Variants in CAMK1D observed in about 807,000 individuals in gnomAD.
The protein encoded by CAMK1D is calcium/calmodulin-dependent protein kinase type 1D.
In CAMK1D, 9 loss-of-function variants were observed where a neutral mutation model predicts 47.7. That is an observed-to-expected ratio of 0.19 (90% CI 0.11 to 0.33). CAMK1D has a LOEUF of 0.33. Ranked by LOEUF, CAMK1D falls within the 10% of genes least tolerant of loss-of-function variation. CAMK1D has a pLI of 1.00. For missense variants in CAMK1D, 291 were observed against 488.7 expected, an observed-to-expected ratio of 0.60 and a Z score of 3.81; for synonymous variants, 184 against 184.9, an observed-to-expected ratio of 0.99 and a Z score of 0.04.
intron 2 of CAMK1D, among the ~76,000 whole-genome samples, chr10:12,603,879 T>G (rs928081290): frequency 6.6e-5 from 10 of 152,196 alleles, no homozygotes; most frequent in African/African-American, 2.4e-4. Flanking sequence ...TGGCTGTGAC[T>G]TATTACATCT....
At chr10:12,737,122 C>T (rs1835224392) in intron 3 of CAMK1D, among the ~76,000 whole-genome samples, 1 of 152,144 alleles carries the variant, frequency 6.6e-6, no homozygotes, top group African/African-American at 2.4e-5. Context: ...CTCTCTAACA[C>T]TGTCCCTGGG....
chr10:12,573,238 C>T (rs530652701), intron 2 of CAMK1D, among the ~76,000 whole-genome samples: 5 of 152,230 alleles, frequency 3.3e-5, no homozygotes, highest in African/African-American at 1.2e-4. Context: ...GGATAGAAAG[C>T]AGGGCCTGCT....
chr10:12,431,493 C>T (rs1291482382), intron 1 of CAMK1D, among the ~76,000 whole-genome samples: 1 of 152,180 alleles, frequency 6.6e-6, no homozygotes, highest in Non-Finnish European at 1.5e-5. Context: ...GTTATGTGCA[C>T]TCCCGAGAGG....
At chr10:12,642,823 T>A (rs190895555) in intron 2 of CAMK1D, among the ~76,000 whole-genome samples, 1 of 152,348 alleles carries the variant, frequency 6.6e-6, no homozygotes, top group East Asian at 1.9e-4. Context: ...TGGGAAATAT[T>A]CTGTAAAGAA....
At chr10:12,485,390 G>A (rs189020187) in intron 1 of CAMK1D, among the ~76,000 whole-genome samples, 2 of 152,282 alleles carry the variant, frequency 1.3e-5, no homozygotes, top group East Asian at 3.9e-4. Flanking sequence ...CCTGTCGTGG[G>A]GGAGGGAGTA....
intron 1 of CAMK1D, among the ~76,000 whole-genome samples, chr10:12,414,207 C>T (rs892297833): frequency 2.0e-5 from 3 of 152,068 alleles, no homozygotes; most frequent in African/African-American, 7.2e-5. Flanking sequence ...ATGGAGATGG[C>T]GAAATAGGAG....
intron 2 of CAMK1D, among the ~76,000 whole-genome samples, chr10:12,570,702 C>T (rs921711559): frequency 7.2e-6 from 1 of 139,096 alleles, no homozygotes; most frequent in African/African-American, 2.8e-5. Context: ...AAAAAAAAAT[C>T]CATGAGGACA....
chr10:12,705,949 A>G (rs772425137), intron 3 of CAMK1D, among the ~76,000 whole-genome samples: 2 of 152,232 alleles, frequency 1.3e-5, no homozygotes, highest in African/African-American at 4.8e-5. Flanking sequence ...ATAACTTAGC[A>G]TCCCTATTTA....
chr10:12,732,236 G>C (rs763118307), intron 3 of CAMK1D, among the ~76,000 whole-genome samples: 2 of 152,110 alleles, frequency 1.3e-5, no homozygotes, highest in Non-Finnish European at 2.9e-5. Flanking sequence ...GAAAGACTCT[G>C]TCTAAAACAA....
At chr10:12,640,568 T>C (rs1839637489) in intron 2 of CAMK1D, among the ~76,000 whole-genome samples, 1 of 152,212 alleles carries the variant, frequency 6.6e-6, no homozygotes. Flanking sequence ...AATGGTACTT[T>C]ATTTTCTCTG....
intron 2 of CAMK1D, among the ~76,000 whole-genome samples, chr10:12,619,504 T>A (rs1838924960): frequency 6.6e-6 from 1 of 152,162 alleles, no homozygotes; most frequent in Non-Finnish European, 1.5e-5. Flanking sequence ...CCTAGACTGG[T>A]CTTGAATTGC....
chr10:12,412,933 C>T lies in CAMK1D; in HGVS notation c.92+63023C>T, dbSNP rs372376979. Among the ~76,000 whole-genome samples, 161 of 152,258 alleles carry T rather than the reference C, an allele frequency of 1.1e-3. 1 individual carries two copies. The highest frequency in any genetic ancestry group is 3.7e-3 in the African/African-American group (152 of 41,552). On this transcript the variant is annotated intron_variant, in intron 1 of 10. Coordinates refer to ENST00000619168, the MANE Select transcript of CAMK1D (RefSeq NM_153498.4). ...CATCCTACTGCGTTTTGCCACTTGT[C>T]TTGTGGTGGAACTAAGATTCTGCCC...
chr10:12,522,190 CCTTTTT>C (rs55934566), intron 1 of CAMK1D, among the ~76,000 whole-genome samples: 8 of 37,164 alleles, frequency 2.2e-4, no homozygotes, highest in South Asian at 1.4e-3. Flanking sequence ...TGATATATTT[CCTTTTT>C]TTTTCTTTTT....
chr10:12,484,912 C>T (rs758075267), intron 1 of CAMK1D, among the ~76,000 whole-genome samples: 25 of 152,058 alleles, frequency 1.6e-4, no homozygotes, highest in Non-Finnish European at 2.6e-4. Context: ...TGGTGTGCCC[C>T]GCAGAAATCT....
intron 1 of CAMK1D, among the ~76,000 whole-genome samples, chr10:12,408,478 C>T (rs755318754): frequency 2.6e-5 from 4 of 152,204 alleles, no homozygotes; most frequent in Non-Finnish European, 5.9e-5. Flanking sequence ...TGGCCTGACT[C>T]TTTCATTTTC....
At chr10:12,642,168 A>C (rs75087872) in intron 2 of CAMK1D, among the ~76,000 whole-genome samples, 21,718 of 152,224 alleles carry the variant, frequency 0.14, 2,096 homozygotes, top group African/African-American at 0.27. Context: ...AAAAGGCGGC[A>C]CAGGTGAAAT....
chr10:12,705,485 A>G (rs1032422077), intron 3 of CAMK1D, among the ~76,000 whole-genome samples: 2 of 152,138 alleles, frequency 1.3e-5, no homozygotes, highest in African/African-American at 4.8e-5. Context: ...AAAAGAAAAG[A>G]ATAGAATAAT....
chr10:12,393,023 A>G (rs888556795), intron 1 of CAMK1D, among the ~76,000 whole-genome samples: 1 of 149,486 alleles, frequency 6.7e-6, no homozygotes, highest in Non-Finnish European at 1.5e-5. Flanking sequence ...GATCTGAAAC[A>G]TAACTTTTTT....
chr10:12,492,114 A>AT (rs1834402954), intron 1 of CAMK1D, among the ~76,000 whole-genome samples: 1 of 144,790 alleles, frequency 6.9e-6, no homozygotes, highest in Admixed American at 6.8e-5. Flanking sequence ...TGGAGGCTTA[A>AT]TTTTTTTGTT....
Sources: gnomAD v4.1 joint callset for allele counts (sites outside exome capture counted in the v4.1 genomes callset) on GRCh38, gnomAD v4.1.1 for gene constraint, MANE v1.5 for transcripts, NCBI Gene and HGNC (gene_info 2026-07-23, HGNC 2026-07-21) for gene names.